The following PCDHGB3 variants were observed in gnomAD, a reference collection of about 807,000 sequenced individuals.
PCDHGB3 encodes protocadherin gamma subfamily B, 3, also known as protocadherin gamma-B3.
In PCDHGB3, 40 loss-of-function variants were observed where a neutral mutation model predicts 59.2. The observed-to-expected ratio is 0.68, with a 90% CI of 0.52 to 0.88. The LOEUF (loss-of-function observed/expected upper bound fraction) is 0.88, where lower values mean the gene tolerates loss of function less well. Ranked by LOEUF, PCDHGB3 falls within the 40% of genes least tolerant of loss-of-function variation. The pLI is 0.00. For missense variants in PCDHGB3, 1,309 were observed against 1,187.9 expected (o/e 1.10, Z -1.50); for synonymous variants, 581 against 503.6 (o/e 1.15, Z -2.06).
intron 1 of PCDHGB3, among the ~76,000 whole-genome samples, chr5:141,474,082 CA>C (rs1449032579): frequency 1.3e-5 from 2 of 151,946 alleles, no homozygotes; most frequent in Non-Finnish European, 2.9e-5. Flanking sequence ...AAACAAAAAC[CA>C]AAAAACAAAC....
intron 1 of PCDHGB3, among the ~76,000 whole-genome samples, chr5:141,430,143 A>C (rs1451633366): frequency 2.0e-5 from 3 of 152,180 alleles, no homozygotes; most frequent in Non-Finnish European, 4.4e-5. Flanking sequence ...TCCATTCAGG[A>C]TCATTCAAGG....
At chr5:141,500,094 A>C (rs2099796337) in intron 2 of PCDHGB3, among the ~76,000 whole-genome samples, 1 of 151,860 alleles carries the variant, frequency 6.6e-6, no homozygotes, top group South Asian at 2.1e-4. Context: ...CCATTTTTGC[A>C]ATTTATTTGT....
At chr5:141,393,583 C>A in intron 1 of PCDHGB3, 1 of 1,613,930 alleles carries the variant, frequency 6.2e-7, no homozygotes, top group Non-Finnish European at 8.5e-7. Context: ...AACATGCCCC[C>A]AGGCACGCGG....
At position 141,383,836 on chromosome 5, in the gene PCDHGB3, G is replaced by T. The variant is rs753167153; in HGVS notation, c.2415+11027G>T. On this transcript the variant is annotated intron_variant, in intron 1 of 3. Coordinates refer to ENST00000576222, the MANE Select transcript of PCDHGB3 (RefSeq NM_018924.5). ...AGAAGGATTAGATTATGAAGAAACT[G>T]CCTTCTATGAAATGGAGGTTCAGGC... 7 of 1,613,756 alleles carry T rather than the reference G, an allele frequency of 4.3e-6. No individual in the cohort carries two copies. The South Asian group carries it at 5.5e-5, about 13-fold the overall frequency.
chr5:141,401,394 T>C (rs1444370873), intron 1 of PCDHGB3, among the ~76,000 whole-genome samples: 1 of 152,158 alleles, frequency 6.6e-6, no homozygotes, highest in Non-Finnish European at 1.5e-5. Context: ...CTACATGTTA[T>C]GTGTATGAGA....
At chr5:141,394,739 C>T (rs377359689) in intron 1 of PCDHGB3, 4 of 1,613,390 alleles carry the variant, frequency 2.5e-6, no homozygotes, top group Non-Finnish European at 3.4e-6. Flanking sequence ...AGCAGAGCCT[C>T]GTGGTGGCCG....
At chr5:141,374,976 C>G (rs774690686) in intron 1 of PCDHGB3, 1 of 1,613,898 alleles carries the variant, frequency 6.2e-7, no homozygotes, top group African/African-American at 1.3e-5. Flanking sequence ...AATGTTTTGA[C>G]TGGAGAAATT....
chr5:141,393,481 C>G (rs368525192), intron 1 of PCDHGB3: 11 of 1,613,948 alleles, frequency 6.8e-6, no homozygotes, highest in African/African-American at 5.3e-5. Flanking sequence ...CCGCCTCGCT[C>G]TAGCACAGTG....
At chr5:141,503,332 C>T (rs536647792) in intron 2 of PCDHGB3, among the ~76,000 whole-genome samples, 5 of 152,074 alleles carry the variant, frequency 3.3e-5, no homozygotes, top group Admixed American at 6.5e-5. Context: ...CGCGGTGGCT[C>T]ACGCCTGTAA....
At chr5:141,413,244 C>T in intron 1 of PCDHGB3, 3 of 1,613,984 alleles carry the variant, frequency 1.9e-6, no homozygotes, top group Non-Finnish European at 2.5e-6. Flanking sequence ...TCTGCCTTTT[C>T]TTCGGGATTC....
intron 1 of PCDHGB3, chr5:141,475,816 C>A (rs1051857446): frequency 1.5e-5 from 5 of 342,872 alleles, no homozygotes; most frequent in Admixed American, 9.0e-5. Context: ...AGTGAAGTTC[C>A]TGGCGCTAGC....
At chr5:141,481,747 T>A (rs1319673737) in intron 1 of PCDHGB3, among the ~76,000 whole-genome samples, 3 of 151,684 alleles carry the variant, frequency 2.0e-5, no homozygotes, top group African/African-American at 7.3e-5. Flanking sequence ...AGGTCAGGAG[T>A]CCAAGACCAG....
chr5:141,464,343 A>C (rs944042669), intron 1 of PCDHGB3, among the ~76,000 whole-genome samples: 7 of 151,212 alleles, frequency 4.6e-5, no homozygotes, highest in African/African-American at 1.5e-4. Context: ...ATGACTTGTC[A>C]TTTAGGTAGT....
At chr5:141,497,245 G>T (rs779763574) in intron 2 of PCDHGB3, among the ~76,000 whole-genome samples, 2 of 152,138 alleles carry the variant, frequency 1.3e-5, no homozygotes, top group Non-Finnish European at 2.9e-5. Flanking sequence ...TCTAGGAGGA[G>T]GTGACATTGA....
intron 2 of PCDHGB3, among the ~76,000 whole-genome samples, chr5:141,501,333 A>ACACACC (rs1186649373): frequency 1.5e-4 from 21 of 140,134 alleles, no homozygotes; most frequent in African/African-American, 3.4e-4. Flanking sequence ...ACACACACAC[A>ACACACC]CCCCAAACTC....
At chr5:141,465,657 G>T (rs904553709) in intron 1 of PCDHGB3, among the ~76,000 whole-genome samples, 2 of 152,130 alleles carry the variant, frequency 1.3e-5, no homozygotes, top group Non-Finnish European at 2.9e-5. Context: ...CCAAAAAAGC[G>T]CTTGCCATGA....
intron 1 of PCDHGB3, chr5:141,422,516 G>A (rs575294611): frequency 1.2e-6 from 2 of 1,614,014 alleles, no homozygotes; most frequent in African/African-American, 1.3e-5. Context: ...GACCAGGGAA[G>A]CCCGCCTTTG....
chr5:141,428,857 A>C (rs2097165548), intron 1 of PCDHGB3: 1 of 140,386 alleles, frequency 7.1e-6, no homozygotes, highest in Non-Finnish European at 1.5e-5. Context: ...TTTTTACGGG[A>C]GACTTTTTTT....
intron 1 of PCDHGB3, chr5:141,409,784 T>G: frequency 3.1e-6 from 5 of 1,612,248 alleles, no homozygotes; most frequent in Non-Finnish European, 4.2e-6. Flanking sequence ...GCTGCGCGCC[T>G]TCGCGCTCAC....
Sources: allele counts gnomAD v4.1 joint callset (sites outside exome capture counted in the v4.1 genomes callset), GRCh38; gene constraint gnomAD v4.1.1; transcripts MANE v1.5; gene names NCBI Gene and HGNC (gene_info 2026-07-23, HGNC 2026-07-21).